The following DLGAP2 variants were observed in gnomAD, a reference collection of about 807,000 sequenced individuals.
DLGAP2 encodes DLG associated protein 2, also known as disks large-associated protein 2.
Under a neutral mutation model 100.3 loss-of-function variants are expected in DLGAP2, and 26 were observed. The observed-to-expected ratio is 0.26, with a 90% confidence interval of 0.19 to 0.36. The LOEUF (loss-of-function observed/expected upper bound fraction) is 0.36, where lower values mean the gene tolerates loss of function less well. DLGAP2 is among the 10% of genes least tolerant of loss of function. The pLI, the probability that DLGAP2 is intolerant of heterozygous loss-of-function variation, is 1.00. For missense variants in DLGAP2, 1,858 were observed against 1,453.2 expected, an observed-to-expected ratio of 1.28 and a Z score of -4.53; for synonymous variants, 886 against 630.1, an observed-to-expected ratio of 1.41 and a Z score of -6.08.
chr8:983,720 G>A (rs1037767331), intron 2 of DLGAP2, among the ~76,000 whole-genome samples: 21 of 152,122 alleles, frequency 1.4e-4, no homozygotes, highest in African/African-American at 5.1e-4. Flanking sequence ...GTGGCTCACT[G>A]TGGCTTCCAC....
chr8:1,267,438 C>T (rs1029428691), intron 3 of DLGAP2, among the ~76,000 whole-genome samples: 10 of 148,264 alleles, frequency 6.7e-5, no homozygotes, highest in East Asian at 2.0e-4. Flanking sequence ...TGGCGGCGGG[C>T]GCCTGTAACC....
At chr8:1,344,109 A>AGTCCG (rs1801486457) in intron 3 of DLGAP2, among the ~76,000 whole-genome samples, 1 of 26,830 alleles carries the variant, frequency 3.7e-5, no homozygotes, top group Non-Finnish European at 9.1e-5. Flanking sequence ...TCGTGGGTCC[A>AGTCCG]TGTATTCGGG....
At chr8:811,313 G>C (rs1796365987) in intron 1 of DLGAP2, among the ~76,000 whole-genome samples, 1 of 152,260 alleles carries the variant, frequency 6.6e-6, no homozygotes, top group Non-Finnish European at 1.5e-5. Context: ...CCCTGCCAGG[G>C]CTCCTGCCGT....
At chr8:790,194 C>T (rs893848280) in intron 1 of DLGAP2, among the ~76,000 whole-genome samples, 3 of 152,080 alleles carry the variant, frequency 2.0e-5, no homozygotes, top group South Asian at 2.1e-4. Context: ...AGGATTTTGA[C>T]AGGAACAGAA....
chr8:1,453,967 G>A (rs764149680), intron 3 of DLGAP2, among the ~76,000 whole-genome samples: 2 of 152,230 alleles, frequency 1.3e-5, no homozygotes, highest in South Asian at 2.1e-4. Flanking sequence ...CAGATGTGGC[G>A]TGTGGCGCAG....
intron 4 of DLGAP2, among the ~76,000 whole-genome samples, chr8:1,516,736 A>T (rs1177226818): frequency 2.0e-5 from 3 of 147,930 alleles, no homozygotes; most frequent in African/African-American, 7.5e-5. Flanking sequence ...AGTGACTGAG[A>T]AAATGAGTGG....
chr8:1,133,138 A>G (rs771192237), intron 2 of DLGAP2, among the ~76,000 whole-genome samples: 4 of 152,196 alleles, frequency 2.6e-5, no homozygotes, highest in Non-Finnish European at 4.4e-5. Flanking sequence ...CTGGAGCATT[A>G]GCTTCCTTGG....
chr8:743,918 C>T (rs956771709), intron 1 of DLGAP2, among the ~76,000 whole-genome samples: 2 of 152,258 alleles, frequency 1.3e-5, no homozygotes, highest in African/African-American at 4.8e-5. Flanking sequence ...GTCTGGATCA[C>T]TCACTAAGCT....
chr8:1,163,964 C>G (rs1796943129), intron 2 of DLGAP2, among the ~76,000 whole-genome samples: 1 of 152,226 alleles, frequency 6.6e-6, no homozygotes, highest in African/African-American at 2.4e-5. Context: ...CCTGCCAGGC[C>G]TCCTAGACGA....
chr8:1,275,088 C>G (rs1799655985), intron 3 of DLGAP2, among the ~76,000 whole-genome samples: 1 of 152,170 alleles, frequency 6.6e-6, no homozygotes, highest in Non-Finnish European at 1.5e-5. Context: ...GAGAGGATCC[C>G]TGAGGACCTG....
intron 3 of DLGAP2, among the ~76,000 whole-genome samples, chr8:1,344,329 A>T (rs2117089914): frequency 6.6e-6 from 1 of 152,258 alleles, no homozygotes; most frequent in South Asian, 2.1e-4. Context: ...TCAGGGTGCC[A>T]CCTGCATTGC....
chr8:963,292 G>GT (rs1275031119), intron 2 of DLGAP2, among the ~76,000 whole-genome samples: 1 of 148,930 alleles, frequency 6.7e-6, no homozygotes, highest in Non-Finnish European at 1.5e-5. Flanking sequence ...GGCACCCTAC[G>GT]TAAGGCAAGT....
At chr8:951,846 C>G (rs1799487779) in intron 2 of DLGAP2, among the ~76,000 whole-genome samples, 1 of 152,190 alleles carries the variant, frequency 6.6e-6, no homozygotes, top group Non-Finnish European at 1.5e-5. Flanking sequence ...TATCTTACCC[C>G]CTTTTCCCAC....
At chr8:1,628,386 C>G (rs1257717454) in intron 7 of DLGAP2, among the ~76,000 whole-genome samples, 1 of 137,618 alleles carries the variant, frequency 7.3e-6, no homozygotes, top group Non-Finnish European at 1.5e-5. Context: ...CACATTCTCT[C>G]TGACTTACTG....
chr8:772,454 C>G (rs1563423770), intron 1 of DLGAP2, among the ~76,000 whole-genome samples: 1 of 152,126 alleles, frequency 6.6e-6, no homozygotes, highest in African/African-American at 2.4e-5. Context: ...TCCTGAGTAG[C>G]TGGGACTACA....
Position 984,666 on chromosome 8 carries a change from C to T in DLGAP2, c.73+76700C>T, listed in dbSNP as rs140060842. On this transcript the variant is annotated intron_variant, in intron 2 of 14. Coordinates refer to ENST00000637795, the MANE Select transcript of DLGAP2 (RefSeq NM_001346810.2). ...GAGCACGGCCTCCCAGTCAATACGC[C>T]GACCTCACTTAAAGACAGGACGTGA... Among the ~76,000 whole-genome samples, 135 of 152,314 alleles carry T rather than the reference C, an allele frequency of 8.9e-4. No individual in the cohort carries two copies. In the South Asian group the frequency reaches 8.9e-3, roughly 10 times the overall value.
chr8:1,472,840 A>C (rs1455672530), intron 3 of DLGAP2, among the ~76,000 whole-genome samples: 1 of 152,270 alleles, frequency 6.6e-6, no homozygotes, highest in African/African-American at 2.4e-5. Context: ...AGCAGTTTTT[A>C]AAAAGTTAAG....
intron 2 of DLGAP2, among the ~76,000 whole-genome samples, chr8:964,656 G>T (rs956896923): frequency 7.2e-5 from 11 of 152,342 alleles, no homozygotes; most frequent in African/African-American, 2.4e-4. Flanking sequence ...CCTCACCAAG[G>T]CCTGGTCCTT....
chr8:1,060,468 C>A (rs1388802357), intron 2 of DLGAP2, among the ~76,000 whole-genome samples: 4 of 151,262 alleles, frequency 2.6e-5, no homozygotes, highest in Admixed American at 2.0e-4. Context: ...GCGTCACCGA[C>A]CCCTGCCCCT....
Sources: gnomAD v4.1 joint callset for allele counts (sites outside exome capture counted in the v4.1 genomes callset) on GRCh38, gnomAD v4.1.1 for gene constraint, MANE v1.5 for transcripts, NCBI Gene and HGNC (gene_info 2026-07-23, HGNC 2026-07-21) for gene names.